The following DCLRE1C variants were observed in gnomAD, a reference collection of about 807,000 sequenced individuals.
DCLRE1C encodes protein artemis.
In DCLRE1C, 47 loss-of-function variants were observed where a neutral mutation model predicts 61.4. The ratio of observed to expected loss-of-function variants is 0.77; its 90% CI spans 0.61 to 0.98. DCLRE1C has a LOEUF of 0.98. DCLRE1C is among the 50% of genes least tolerant of loss of function. The pLI, the probability that DCLRE1C is intolerant of heterozygous loss-of-function variation, is 0.00. For missense variants in DCLRE1C, 858 were observed against 816.0 expected (o/e 1.05, Z -0.63); for synonymous variants, 337 against 287.6 (o/e 1.17, Z -1.74).
chr10:14,936,409 A>T, intron 5 of DCLRE1C, 129 bp downstream of exon 5: 1 of 702,316 alleles, frequency 1.4e-6, no homozygotes, highest in Non-Finnish European at 2.5e-6. Context: ...CAGCCTCCCA[A>T]AGCACTGGGA....
Position 14,939,951 on chromosome 10 carries a change from G to A in DCLRE1C, c.247-82C>T, listed in dbSNP as rs1840598152. 2.8e-6 allele frequency: 3 copies of A among 1,084,950 alleles called. No individual in the cohort carries two copies. The East Asian group carries it at 7.2e-5, about 26-fold the overall frequency. The allele number at this position is 1,084,950 out of a possible 1,614,324, so 67.2% of individuals were successfully genotyped here. A position where few individuals can be genotyped will look rare whatever the true frequency, so the allele number is the denominator to read the frequency against. ...CTTTGCTGTCTGAAACACAGAAATG[G>A]GGCAAAGAGAAGTTTCAGACTCTCT... On this transcript the variant is annotated intron_variant, in intron 3 of 13. Transcript: ENST00000378278.
At position 14,907,340 on chromosome 10, in the gene DCLRE1C, GAT is replaced by G. The variant is rs367965694; in HGVS notation, c.*1066_*1067del. On this transcript the variant is annotated 3_prime_UTR_variant, in exon 14 of 14. Transcript: ENST00000378278. ...TAAATCAGGTGTGTTTATGAGCAAA[GAT>G]ATGATCATGCTGAATGTTCCATGTG... Among the ~76,000 whole-genome samples the G allele has an allele frequency of 8.6e-5, 13 of 150,838 alleles. No individual in the cohort carries two copies. The highest frequency in any genetic ancestry group is 3.2e-4 in the African/African-American group (13 of 40,960).
In DCLRE1C at chr10:14,935,499, T is replaced by C; in HGVS notation, c.428A>G (p.Glu143Gly). 6.2e-7 allele frequency: 1 copy of C among 1,614,058 alleles called. No homozygotes were observed. Reference sequence around the variant, plus strand: ...GTGCAGAAGCTCCATTCTAGCAGCTTCTCCTTGCGCCAATCTGAAGTCTCC... The same window carrying C: ...GTGCAGAAGCTCCATTCTAGCAGCTCCTCCTTGCGCCAATCTGAAGTCTCC... ...YTGDFRLAQG[E>G]AARMELLHSG... The change falls in exon 6 of 14, where the codon GAA becomes GGA. Residue 143 changes from glutamate (E) to glycine (G), a missense_variant. By Grantham distance (98) the Glu-to-Gly change is moderately conservative. Coordinates refer to ENST00000378278, the MANE Select transcript of DCLRE1C (RefSeq NM_001033855.3).
chr10:14,938,829 A>G (rs41297010), intron 4 of DCLRE1C, among the ~76,000 whole-genome samples: 521 of 152,326 alleles, frequency 3.4e-3, no homozygotes, highest in African/African-American at 0.012. Context: ...ATCATGTAGT[A>G]ATATCAACAC....
At chr10:14,920,355 G>T in intron 12 of DCLRE1C, 3 of 1,034,334 alleles carry the variant, frequency 2.9e-6, no homozygotes, top group South Asian at 6.8e-5. Flanking sequence ...AAAAGGCAGA[G>T]AAATAAGATT....
chr10:14,920,329 G>C (rs1836889378), intron 12 of DCLRE1C: 4 of 960,518 alleles, frequency 4.2e-6, no homozygotes, highest in Admixed American at 5.1e-5. Flanking sequence ...CTAAGACAAA[G>C]TGGAGATAAA....
chr10:14,913,193 A>G (rs938045298), intron 13 of DCLRE1C, among the ~76,000 whole-genome samples: 1 of 152,272 alleles, frequency 6.6e-6, no homozygotes, highest in African/African-American at 2.4e-5. Flanking sequence ...AGAAAACACA[A>G]ATCTATAGAG....
intron 11 of DCLRE1C, among the ~76,000 whole-genome samples, chr10:14,925,514 T>G (rs1010250090): frequency 6.6e-6 from 1 of 152,242 alleles, no homozygotes; most frequent in African/African-American, 2.4e-5. Flanking sequence ...ACAGGGTTCC[T>G]GCCATCCTTT....
At position 14,909,305 on chromosome 10, in the gene DCLRE1C, A is replaced by G. The variant is rs2131780112; in HGVS notation, c.1182T>C (p.Asp394=). The part of the protein sequence containing the change: ...DSEEEDDYLF[D]DPLPIPLRHK... Reference sequence around the variant, plus strand: ...GCCTTAAAGGTATTGGCAGAGGATCATCAAAGAGATAGTCATCTTCCTCCT... The same window carrying G: ...GCCTTAAAGGTATTGGCAGAGGATCGTCAAAGAGATAGTCATCTTCCTCCT... Residue 394 remains aspartate (D), a synonymous_variant, in exon 14 of 14, where the codon GAT becomes GAC. Coordinates refer to ENST00000378278, the MANE Select transcript of DCLRE1C (RefSeq NM_001033855.3). 1.2e-6 allele frequency: 2 copies of G among 1,613,848 alleles called. No individual in the cohort carries two copies. Among genetic ancestry groups the G allele is most frequent in the Non-Finnish European group, 1.7e-6 (2 of 1,179,982 alleles).
chr10:14,953,585 G>A lies in DCLRE1C; in HGVS notation c.109+317C>T, dbSNP rs553154215. ...TTGTTTTCTTCATACATGGTAGCGAGGCTCTGAGGGAAGTACTAACCCTCG... is the reference window on the plus strand; with the variant it reads ...TTGTTTTCTTCATACATGGTAGCGAAGCTCTGAGGGAAGTACTAACCCTCG... On this transcript the variant is annotated intron_variant, in intron 1 of 13. Coordinates refer to ENST00000378278, the MANE Select transcript of DCLRE1C (RefSeq NM_001033855.3). Among the ~76,000 whole-genome samples the A allele has an allele frequency of 2.6e-5, 4 of 152,148 alleles. No individual in the cohort carries two copies. The East Asian group carries it at 7.7e-4, about 29-fold the overall frequency.
downstream of DCLRE1C, chr10:14,902,878 C>T (rs751215536): frequency 3.8e-5 from 6 of 155,898 alleles, no homozygotes; most frequent in Non-Finnish European, 7.1e-5. Context: ...TTCAACTTGC[C>T]ATACACCTCA....
chr10:14,935,648 G>A (rs1839787124), intron 5 of DCLRE1C, 84 bp from the exon 6 acceptor site: 2 of 1,297,432 alleles, frequency 1.5e-6, no homozygotes, highest in South Asian at 2.4e-5. Flanking sequence ...CATACTAAAT[G>A]CTTCCTGCAA....
chr10:14,920,237 T>A, intron 12 of DCLRE1C: 1 of 410,252 alleles, frequency 2.4e-6, no homozygotes, highest in South Asian at 2.6e-5. Flanking sequence ...CTGCTTCTCC[T>A]GCCCTGTTCA....
downstream of DCLRE1C, chr10:14,903,948 C>A (rs971598982): frequency 6.6e-6 from 1 of 152,174 alleles, no homozygotes; most frequent in Non-Finnish European, 1.5e-5. Context: ...TTCACTCTTT[C>A]ATAATATATA....
chr10:14,908,858 T>G lies in DCLRE1C; in HGVS notation c.1629A>C (p.Ile543=), dbSNP rs1282092460. The G allele has an allele frequency of 1.2e-6, 2 of 1,614,222 alleles. No homozygotes were observed. Among genetic ancestry groups the G allele is most frequent in the African/African-American group, 2.7e-5 (2 of 75,068 alleles). Residue 543 remains isoleucine, a synonymous_variant, in exon 14 of 14, where the codon ATA becomes ATC. Coordinates refer to ENST00000378278, the MANE Select transcript of DCLRE1C (RefSeq NM_001033855.3). ...SSQNSSQSTH[I]TEQGSQGWDS... ...CCCAGCCTTGACTTCCTTGTTCTGTTATGTGTGTTGACTGGGAAGAATTCT... is the reference window on the plus strand; with the variant it reads ...CCCAGCCTTGACTTCCTTGTTCTGTGATGTGTGTTGACTGGGAAGAATTCT...
chr10:14,941,547 G>A (rs377076133), intron 3 of DCLRE1C, among the ~76,000 whole-genome samples: 3 of 152,162 alleles, frequency 2.0e-5, no homozygotes, highest in Non-Finnish European at 2.9e-5. Flanking sequence ...TTGGCCTCCC[G>A]AAGTGCTAGG....
chr10:14,945,799 C>T (rs538577017), intron 2 of DCLRE1C, among the ~76,000 whole-genome samples: 3 of 150,758 alleles, frequency 2.0e-5, no homozygotes, highest in South Asian at 4.2e-4. Context: ...GCTGGGATTA[C>T]AAGCACGCGC....
chr10:14,909,325 C>T lies in DCLRE1C; in HGVS notation c.1162G>A (p.Glu388Lys). 1 of 1,613,294 alleles carries T rather than the reference C, an allele frequency of 6.2e-7. No homozygotes were observed. The highest frequency in any genetic ancestry group is 8.5e-7 in the Non-Finnish European group (1 of 1,179,902). ...ARTVHRDSEE[E>K]DDYLFDDPLP... The stretch of plus-strand genomic sequence containing the variant: ...GGATCATCAAAGAGATAGTCATCTT[C>T]CTCCTCTGTGGGACAAACAAAACAG... The change falls in exon 14 of 14, where the codon GAA (glutamate) becomes AAA (lysine). Residue 388 changes from glutamate to lysine, a missense_variant. This residue lies in a region of DCLRE1C where 843 missense variants were observed against 783.5 expected (regional missense o/e 1.08). Coordinates refer to ENST00000378278, the MANE Select transcript of DCLRE1C (RefSeq NM_001033855.3).
rs1023426140 is a variant in DCLRE1C at position 14,920,710 on chromosome 10, G to A, written c.1062-878C>T. ...GAAATGAAGGATGGGGGCCGGGTGC[G>A]GTGGCTCATGCCTGGAATCCCAGCA... On this transcript the variant is annotated intron_variant, in intron 12 of 13. Coordinates refer to ENST00000378278, the MANE Select transcript of DCLRE1C (RefSeq NM_001033855.3). Among the ~76,000 whole-genome samples the A allele has an allele frequency of 1.2e-4, 19 of 152,180 alleles. 1 individual carries two copies. The highest frequency in any genetic ancestry group is 9.8e-4 in the Admixed American group (15 of 15,282).
Sources: allele counts gnomAD v4.1 joint callset (sites outside exome capture counted in the v4.1 genomes callset), GRCh38; gene constraint gnomAD v4.1.1; regional missense constraint gnomAD v4.1.1; transcripts MANE v1.5; gene names NCBI Gene and HGNC (gene_info 2026-07-23, HGNC 2026-07-21).